PALM2AKAP2: variants seen among roughly 807,000 people sequenced by gnomAD.
PALM2AKAP2 encodes the protein PALM2-AKAP2 fusion protein.
PALM2AKAP2 carries 37 observed loss-of-function variants against 71.5 expected under a neutral mutation model. The ratio of observed to expected loss-of-function variants is 0.52; its 90% CI spans 0.40 to 0.68. The LOEUF is 0.68. Ranked by LOEUF, PALM2AKAP2 falls within the 30% of genes least tolerant of loss-of-function variation. PALM2AKAP2 has a pLI of 0.00. For missense variants in PALM2AKAP2, 1,224 were observed against 1,191.8 expected (o/e 1.03, Z -0.40); for synonymous variants, 468 against 478.8 (o/e 0.98, Z 0.29).
intron 1 of PALM2AKAP2, among the ~76,000 whole-genome samples, chr9:110,126,043 T>G (rs1303505630): frequency 6.6e-6 from 1 of 152,148 alleles, no homozygotes. Flanking sequence ...GCTAGCCTTC[T>G]GTTTCCATGC....
intron 6 of PALM2AKAP2, among the ~76,000 whole-genome samples, chr9:109,978,769 G>A (rs944848825): frequency 1.1e-4 from 16 of 152,004 alleles, no homozygotes; most frequent in African/African-American, 2.7e-4. Context: ...CCTGAGATTC[G>A]TTGGCCATCT....
intron 1 of PALM2AKAP2, among the ~76,000 whole-genome samples, chr9:109,686,597 C>T (rs1440727999): frequency 6.6e-6 from 1 of 152,014 alleles, no homozygotes; most frequent in African/African-American, 2.4e-5. Context: ...TGCTGCCATC[C>T]AGGCTTTGTT....
chr9:109,660,981 A>G (rs1034108698), intron 1 of PALM2AKAP2, among the ~76,000 whole-genome samples: 1 of 152,114 alleles, frequency 6.6e-6, no homozygotes, highest in South Asian at 2.1e-4. Flanking sequence ...AGAAGTGTCT[A>G]TTCATATACC....
intron 6 of PALM2AKAP2, chr9:109,946,088 C>G (rs1831497853): frequency 6.6e-6 from 1 of 152,180 alleles, no homozygotes; most frequent in Non-Finnish European, 1.5e-5. Context: ...TATGTCCCAT[C>G]ATTTTCTTGT....
At chr9:110,169,934 G>A (rs540818571) in exon 4 of PALM2AKAP2, 4 of 152,496 alleles carry the variant, frequency 2.6e-5, no homozygotes, top group Non-Finnish European at 5.9e-5. Context: ...TTATGAAAAG[G>A]GATATAAAGG....
chr9:109,862,264 A>T (rs896253066), intron 1 of PALM2AKAP2, among the ~76,000 whole-genome samples: 1 of 152,182 alleles, frequency 6.6e-6, no homozygotes, highest in Admixed American at 6.5e-5. Flanking sequence ...CTAGCTTAAG[A>T]AAATGGGAGA....
intron 3 of PALM2AKAP2, among the ~76,000 whole-genome samples, chr9:109,885,905 T>A (rs1829953637): frequency 6.6e-6 from 1 of 152,204 alleles, no homozygotes; most frequent in Non-Finnish European, 1.5e-5. Flanking sequence ...CTTGCTAAAA[T>A]TCAAAGTAAT....
intron 1 of PALM2AKAP2, among the ~76,000 whole-genome samples, chr9:109,725,450 A>G (rs1162577742): frequency 1.3e-5 from 2 of 152,186 alleles, no homozygotes; most frequent in Non-Finnish European, 2.9e-5. Context: ...ATATAAATCA[A>G]AATGTTTAGG....
intron 1 of PALM2AKAP2, among the ~76,000 whole-genome samples, chr9:109,718,894 T>A (rs1394623480): frequency 6.6e-6 from 1 of 152,214 alleles, no homozygotes; most frequent in Non-Finnish European, 1.5e-5. Context: ...ATTTTTGTAT[T>A]TATCATATCT....
chr9:109,940,706 G>A (rs532618388), intron 6 of PALM2AKAP2, among the ~76,000 whole-genome samples: 1 of 152,202 alleles, frequency 6.6e-6, no homozygotes, highest in Non-Finnish European at 1.5e-5. Flanking sequence ...GCACACAGAT[G>A]AGCAGCCGTG....
chr9:110,087,391 C>T (rs1173632199), intron 1 of PALM2AKAP2, among the ~76,000 whole-genome samples: 3 of 152,220 alleles, frequency 2.0e-5, no homozygotes, highest in Admixed American at 6.5e-5. Flanking sequence ...CCCAGTAGGG[C>T]TGGGACTAAT....
chr9:110,135,168 TATAA>T lies in PALM2AKAP2; in HGVS notation c.157-955_157-952del, dbSNP rs200539225. Among the ~76,000 whole-genome samples the T allele has an allele frequency of 1.4e-3, 74 of 54,366 alleles. 3 individuals carry two copies. Among genetic ancestry groups the T allele is most frequent in the East Asian group, 0.011 (22 of 1,916 alleles). The allele number at this position is 54,366 out of a possible 152,430, so 35.7% of individuals were successfully genotyped here. On this transcript the variant is annotated intron_variant, in intron 1 of 3. Transcript: ENST00000374525. ...CTGTCTCTACAAAAAAAAAAAAATA[TATAA>T]ATATATATATATATATAAATCAGCC...
intron 1 of PALM2AKAP2, among the ~76,000 whole-genome samples, chr9:110,067,211 T>C (rs1258401843): frequency 6.6e-6 from 1 of 152,194 alleles, no homozygotes; most frequent in Non-Finnish European, 1.5e-5. Context: ...CTATCATGGC[T>C]GATCTCTCAA....
At chr9:109,795,668 A>T (rs1827233007) in intron 1 of PALM2AKAP2, among the ~76,000 whole-genome samples, 2 of 152,196 alleles carry the variant, frequency 1.3e-5, no homozygotes, top group African/African-American at 4.8e-5. Flanking sequence ...TGGGCAAGAG[A>T]TGAGGGAGTT....
intron 3 of PALM2AKAP2, among the ~76,000 whole-genome samples, chr9:110,157,616 T>C (rs1471046090): frequency 6.6e-6 from 1 of 152,104 alleles, no homozygotes; most frequent in Non-Finnish European, 1.5e-5. Context: ...CTCAGACTGT[T>C]CTTCAACTCC....
intron 6 of PALM2AKAP2, chr9:109,944,244 T>C (rs1831449319): frequency 6.6e-6 from 1 of 152,228 alleles, no homozygotes; most frequent in Non-Finnish European, 1.5e-5. Flanking sequence ...TTCACAAGCC[T>C]TGTTTCTATT....
intron 1 of PALM2AKAP2, among the ~76,000 whole-genome samples, chr9:110,134,204 A>C (rs1235799290): frequency 6.6e-6 from 1 of 152,010 alleles, no homozygotes; most frequent in Non-Finnish European, 1.5e-5. Flanking sequence ...CCATGAGCTC[A>C]GGAGTTCAAG....
At chr9:109,719,319 G>T (rs768101428) in intron 1 of PALM2AKAP2, among the ~76,000 whole-genome samples, 2 of 152,164 alleles carry the variant, frequency 1.3e-5, no homozygotes, top group Non-Finnish European at 2.9e-5. Context: ...GAGAGCACTG[G>T]GCTGAGAGTC....
intron 6 of PALM2AKAP2, among the ~76,000 whole-genome samples, chr9:109,947,814 T>G (rs896999141): frequency 6.6e-6 from 1 of 152,206 alleles, no homozygotes; most frequent in Admixed American, 6.5e-5. Context: ...TTTTGCCACA[T>G]GCACATTTGC....
Sources: gnomAD v4.1 joint callset for allele counts (sites outside exome capture counted in the v4.1 genomes callset) on GRCh38, gnomAD v4.1.1 for gene constraint, MANE v1.5 for transcripts, NCBI Gene and HGNC (gene_info 2026-07-23, HGNC 2026-07-21) for gene names.